Variants in GNB1L observed in about 807,000 individuals in gnomAD.
GNB1L encodes the protein guanine nucleotide-binding protein subunit beta-like protein 1.
GNB1L carries 20 observed loss-of-function variants against 29.1 expected under a neutral mutation model. The observed-to-expected ratio is 0.69, with a 90% CI of 0.48 to 1.00. The LOEUF is 1.00. Among genes scored for constraint, GNB1L ranks in the 50% least tolerant of loss-of-function variants. The probability of loss-of-function intolerance (pLI) is 0.00; values close to 1 mark genes in which losing one functional copy is unlikely to be tolerated. For missense variants in GNB1L, 421 were observed against 464.9 expected (o/e 0.91, Z 0.87); for synonymous variants, 193 against 206.5 (o/e 0.93, Z 0.56).
At position 19,820,663 on chromosome 22, in the gene GNB1L, C is replaced by T; in HGVS notation, c.189G>A (p.Leu63=). The change falls in exon 4 of 8, where the codon CTG becomes CTA. Residue 63 remains leucine (L), a synonymous_variant. Transcript: ENST00000329517. ...TCACACACTGGCCGCCGTGGCCATC[C>T]AGGGTGGTAACCGCTCTCCGCGTCT... The part of the protein sequence containing the change: ...SLQTRRAVTT[L]DGHGGQCVTW... 7 of 1,613,570 alleles carry T rather than the reference C, an allele frequency of 4.3e-6. No homozygotes were observed. Among genetic ancestry groups the T allele is most frequent in the Non-Finnish European group, 4.2e-6 (5 of 1,179,914 alleles).
At chr22:19,829,312 T>C (rs1937648199) in intron 2 of GNB1L, among the ~76,000 whole-genome samples, 1 of 152,200 alleles carries the variant, frequency 6.6e-6, no homozygotes, top group South Asian at 2.1e-4. Flanking sequence ...ATTGACTGTA[T>C]ATTGGGTCAC....
chr22:19,852,000 T>A (rs201726697), intron 2 of GNB1L: 1 of 1,614,050 alleles, frequency 6.2e-7, no homozygotes, highest in Non-Finnish European at 8.5e-7. Flanking sequence ...GGTCGGGAGC[T>A]GGGCATGTGC....
chr22:19,842,377 G>A lies in GNB1L; in HGVS notation c.-21+12066C>T, dbSNP rs1202245522. Among the ~76,000 whole-genome samples the A allele has an allele frequency of 3.3e-5, 5 of 152,042 alleles. No homozygotes were observed. The East Asian group carries it at 9.6e-4, about 29-fold the overall frequency. ...CCATCTCTGAAATGCAGGGAGATCAGCGGGGAGTCAGTGGGGGCAGTCAGA... is the reference window on the plus strand; with the variant it reads ...CCATCTCTGAAATGCAGGGAGATCAACGGGGAGTCAGTGGGGGCAGTCAGA... On this transcript the variant is annotated intron_variant, in intron 2 of 7. Coordinates refer to ENST00000329517, the MANE Select transcript of GNB1L (RefSeq NM_053004.3).
Position 19,833,589 on chromosome 22 carries a change from C to T in GNB1L, c.-20-12214G>A, listed in dbSNP as rs532548529. On this transcript the variant is annotated intron_variant, in intron 2 of 7. Coordinates refer to ENST00000329517, the MANE Select transcript of GNB1L (RefSeq NM_053004.3). Reference sequence around the variant, plus strand: ...CTAAAATAAAATAAAATAGGCCGGACGCGGTAGTTCACACCTGTAATCCCA... The same window carrying T: ...CTAAAATAAAATAAAATAGGCCGGATGCGGTAGTTCACACCTGTAATCCCA... Among the ~76,000 whole-genome samples, 5 of 152,148 alleles carry T rather than the reference C, an allele frequency of 3.3e-5. No homozygotes were observed. In the East Asian group the frequency reaches 5.8e-4, roughly 18 times the overall value.
At chr22:19,789,067 C>A (rs531029497) in intron 7 of GNB1L, 107 bp from the exon 8 acceptor site, 134 of 1,252,164 alleles carry the variant, frequency 1.1e-4, no homozygotes, top group Admixed American at 4.1e-4. Context: ...GGCCCACAGG[C>A]CCGGGATGTG....
At chr22:19,823,223 G>T (rs549675071) in intron 2 of GNB1L, among the ~76,000 whole-genome samples, 2 of 152,328 alleles carry the variant, frequency 1.3e-5, no homozygotes, top group South Asian at 2.1e-4. Flanking sequence ...GATGAGAGAG[G>T]TTTCGTCCTC....
Position 19,788,738 on chromosome 22 carries a change from T to C in GNB1L, c.955A>G (p.Ser319Gly), listed in dbSNP as rs1389604169. Residue 319 changes from serine (S) to glycine (G), a missense_variant, in exon 8 of 8, where the codon AGC (serine) becomes GGC (glycine). Ser to Gly is a moderately conservative substitution (Grantham distance 56, BLOSUM62 0). Transcript: ENST00000329517. ...GCGCGTGGGTAGAGTGACCAGAGGC[T>C]GATCCGCTGATCCTTGGAGCCCGCG... is the stretch of plus-strand genomic sequence containing the variant. ...LAAGSKDQRI[S>G]LWSLYPRA is the part of the protein sequence containing the mutation. The C allele has an allele frequency of 3.1e-6, 5 of 1,611,112 alleles. No homozygotes were observed. Among genetic ancestry groups the C allele is most frequent in the African/African-American group, 1.3e-5 (1 of 74,912 alleles).
chr22:19,808,396 G>C (rs1039254491), intron 5 of GNB1L, among the ~76,000 whole-genome samples: 2 of 152,206 alleles, frequency 1.3e-5, no homozygotes, highest in South Asian at 2.1e-4. Context: ...AGTAATGGGA[G>C]AGGTGATTAC....
intron 2 of GNB1L, chr22:19,847,876 T>C (rs1208670854): frequency 1.0e-6 from 1 of 973,012 alleles, no homozygotes; most frequent in Non-Finnish European, 1.2e-6. Flanking sequence ...TTGAAATCTT[T>C]AATCTGGAAT....
At position 19,788,930 on chromosome 22, in the gene GNB1L, C is replaced by T. The variant is rs543257514; in HGVS notation, c.763G>A (p.Gly255Arg). The change falls in exon 8 of 8, where the codon GGG (glycine) becomes AGG (arginine). Residue 255 changes from glycine to arginine, a missense_variant. By Grantham distance (125) the Gly-to-Arg change is moderately radical. Transcript: ENST00000329517. Reference protein sequence around the residue: ...VRGTHELTNPGIAEVTIRPDR... With the variant: ...VRGTHELTNPRIAEVTIRPDR... ...GGCCGGATCGTGACCTCGGCGATCC[C>T]GGGATTGGTGAGTTCATGAGTCCCA... 52 of 1,610,358 alleles carry T rather than the reference C, an allele frequency of 3.2e-5. No individual in the cohort carries two copies. The highest frequency in any genetic ancestry group is 4.0e-5 in the Non-Finnish European group (47 of 1,178,214).
chr22:19,837,966 CAGGGAGGAAGA>C (rs1032875788), intron 2 of GNB1L, among the ~76,000 whole-genome samples: 2 of 152,068 alleles, frequency 1.3e-5, no homozygotes, highest in African/African-American at 4.8e-5. Context: ...AAGAGAGGTG[CAGGGAGGAAGA>C]AGGGAGGGGC....
intron 5 of GNB1L, among the ~76,000 whole-genome samples, chr22:19,807,623 C>T (rs903461696): frequency 2.0e-5 from 3 of 152,212 alleles, no homozygotes; most frequent in African/African-American, 7.2e-5. Flanking sequence ...AATATCAATG[C>T]ACAGCCACCT....
At chr22:19,811,387 G>C (rs1032126798) in intron 5 of GNB1L, among the ~76,000 whole-genome samples, 8 of 152,088 alleles carry the variant, frequency 5.3e-5, no homozygotes, top group Admixed American at 1.3e-4. Flanking sequence ...CTATTCCATG[G>C]TATGTCCTCC....
chr22:19,820,453 C>A (rs1473580878), intron 4 of GNB1L, 145 bp downstream of exon 4: 5 of 850,248 alleles, frequency 5.9e-6, no homozygotes, highest in Non-Finnish European at 9.0e-6. Flanking sequence ...GACCTGCACA[C>A]CCTGCCCTTG....
chr22:19,804,040 GC>G (rs1185999274), intron 6 of GNB1L, among the ~76,000 whole-genome samples: 2 of 152,280 alleles, frequency 1.3e-5, no homozygotes, highest in Non-Finnish European at 2.9e-5. Flanking sequence ...CTGTCGTGGT[GC>G]CACAGGGTGG....
rs1234331292 is a variant in GNB1L, at chr22:19,802,192, G to A, written c.541C>T (p.Leu181Phe). Residue 181 changes from leucine to phenylalanine, a missense_variant, in exon 7 of 8, where the codon CTT (leucine) becomes TTT (phenylalanine). Coordinates refer to ENST00000329517, the MANE Select transcript of GNB1L (RefSeq NM_053004.3). ...GATCCATCCTCATAGCCGGCCAGAA[G>A]GAGTGGGCGGGAGCTGCAGTCGGCC... ...WQADCSSRPLLLAGYEDGSVV... is the reference protein window; with the variant it reads ...WQADCSSRPLFLAGYEDGSVV... 1.9e-6 allele frequency: 3 copies of A among 1,612,824 alleles called. No individual in the cohort carries two copies. In the Admixed American group the frequency reaches 5.0e-5, roughly 27 times the overall value.
Position 19,816,687 on chromosome 22 carries a change from T to A in GNB1L, c.254+3911A>T, listed in dbSNP as rs1937526798. Among the ~76,000 whole-genome samples the A allele has an allele frequency of 6.6e-6, 1 of 151,968 alleles. No homozygotes were observed. The highest frequency in any genetic ancestry group is 2.4e-5 in the African/African-American group (1 of 41,378). ...CACAGGCACCTCACACATACACAAC[T>A]TACATACACAAACCTCACACACACA... On this transcript the variant is annotated intron_variant, in intron 4 of 7. Transcript: ENST00000329517. The surrounding 1 kb of genome is among the most constrained non-coding windows in gnomAD (Gnocchi z 4.4).
chr22:19,792,773 C>T lies in GNB1L; in HGVS notation c.733-3813G>A, dbSNP rs1021815730. 6.1e-5 allele frequency: 91 copies of T among 1,485,012 alleles called. No individual in the cohort carries two copies. In the African/African-American group the frequency reaches 9.6e-4, roughly 16 times the overall value. The allele number at this position is 1,485,012 out of a possible 1,614,324, so 92.0% of individuals were successfully genotyped here. On this transcript the variant is annotated intron_variant, in intron 7 of 7. Transcript: ENST00000329517. ...CTCAGCTGGTGGTGATTGCAGACGACGTGGATCCCATCGAGCTGGTTGTCT... is the reference window on the plus strand; with the variant it reads ...CTCAGCTGGTGGTGATTGCAGACGATGTGGATCCCATCGAGCTGGTTGTCT...
rs753602245 is a variant in GNB1L at position 19,821,370 on chromosome 22, A to G, written c.-15T>C. ...GGGGCCGTCATGCTGGGCAGGATGC[A>G]GTTACCTGGGCACCAAGGGAGGGCG... On this transcript the variant is annotated 5_prime_UTR_variant, in exon 3 of 8. Transcript: ENST00000329517. The G allele has an allele frequency of 1.2e-6, 2 of 1,610,894 alleles. No homozygotes were observed. Among genetic ancestry groups the G allele is most frequent in the Non-Finnish European group, 1.7e-6 (2 of 1,179,542 alleles).
Sources: gnomAD v4.1 joint callset for allele counts (sites outside exome capture counted in the v4.1 genomes callset) on GRCh38, gnomAD v4.1.1 for gene constraint, Gnocchi (gnomAD v3.1) non-coding constraint, MANE v1.5 for transcripts, NCBI Gene and HGNC (gene_info 2026-07-23, HGNC 2026-07-21) for gene names.